The following ADAMTSL1 variants were observed in gnomAD, a reference collection of about 807,000 sequenced individuals.
ADAMTSL1 encodes the protein ADAMTS-like protein 1.
A neutral mutation model predicts 201.8 loss-of-function variants in ADAMTSL1; 126 were observed. That is an observed-to-expected ratio of 0.62 (90% CI 0.54 to 0.72). ADAMTSL1 has a LOEUF of 0.72. Among genes scored for constraint, ADAMTSL1 ranks in the 30% least tolerant of loss-of-function variants. The pLI, the probability that ADAMTSL1 is intolerant of heterozygous loss-of-function variation, is 0.00. For synonymous variants in ADAMTSL1, 1,121 were observed against 903.4 expected (o/e 1.24, Z -4.32); for missense variants, 2,679 against 2,277.8 (o/e 1.18, Z -3.59).
intron 2 of ADAMTSL1, among the ~76,000 whole-genome samples, chr9:18,178,504 T>C (rs1167386428): frequency 8.6e-5 from 13 of 151,228 alleles, no homozygotes; most frequent in South Asian, 4.2e-4. Context: ...GCCGGGAAGC[T>C]CGAACTGGGT....
At chr9:17,985,186 G>A (rs1818875076) in intron 1 of ADAMTSL1, among the ~76,000 whole-genome samples, 2 of 151,952 alleles carry the variant, frequency 1.3e-5, no homozygotes, top group Admixed American at 6.6e-5. Context: ...CTTTTTGGAT[G>A]GTTAATAAAA....
intron 2 of ADAMTSL1, among the ~76,000 whole-genome samples, chr9:18,225,597 T>C (rs1830409990): frequency 6.6e-6 from 1 of 152,148 alleles, no homozygotes; most frequent in Non-Finnish European, 1.5e-5. Context: ...CTCTAAAATA[T>C]TAAAAAACAC....
At chr9:18,339,952 C>G in intron 2 of ADAMTSL1, among the ~76,000 whole-genome samples, 1 of 152,124 alleles carries the variant, frequency 6.6e-6, no homozygotes, top group East Asian at 1.9e-4. Context: ...TGATCCTTTG[C>G]AAACTGGATT....
At chr9:18,853,084 GGA>G (rs2131377772) in intron 23 of ADAMTSL1, among the ~76,000 whole-genome samples, 1 of 152,268 alleles carries the variant, frequency 6.6e-6, no homozygotes, top group Non-Finnish European at 1.5e-5. Flanking sequence ...TGGCTGTCCT[GGA>G]GAGTGCTGTT....
intron 2 of ADAMTSL1, among the ~76,000 whole-genome samples, chr9:18,308,881 A>G (rs1326892812): frequency 1.3e-5 from 2 of 152,192 alleles, no homozygotes; most frequent in Non-Finnish European, 2.9e-5. Context: ...AGACATAGCA[A>G]AAAAAGAAAA....
At chr9:18,497,280 A>T (rs1018052231) in intron 1 of ADAMTSL1, among the ~76,000 whole-genome samples, 1 of 152,136 alleles carries the variant, frequency 6.6e-6, no homozygotes. Context: ...AAATAAATGA[A>T]TTTTTTTAAA....
chr9:18,519,105 C>G (rs1408482057), intron 2 of ADAMTSL1, among the ~76,000 whole-genome samples: 1 of 152,158 alleles, frequency 6.6e-6, no homozygotes. Context: ...ACCTGTACCC[C>G]CTGAGTCTCA....
intron 15 of ADAMTSL1, among the ~76,000 whole-genome samples, chr9:18,739,249 A>T (rs1187832258): frequency 1.3e-5 from 2 of 152,172 alleles, no homozygotes; most frequent in African/African-American, 2.4e-5. Context: ...GGCATTCAAA[A>T]AGGGTAACTT....
intron 14 of ADAMTSL1, among the ~76,000 whole-genome samples, chr9:18,715,459 C>A (rs1489590703): frequency 1.3e-5 from 2 of 152,062 alleles, no homozygotes; most frequent in African/African-American, 4.8e-5. Flanking sequence ...AACAGAGAGC[C>A]AAATCATGCG....
Position 18,908,519 on chromosome 9 carries a change from C to T in ADAMTSL1, c.5260C>T (p.Arg1754Cys), listed in dbSNP as rs868134421. The change falls in exon 29 of 29, where the codon CGC (arginine) becomes TGC (cysteine). Residue 1754 changes from arginine (R) to cysteine (C), a missense_variant. By Grantham distance (180) the Arg-to-Cys change is radical. Coordinates refer to ENST00000380548, the MANE Select transcript of ADAMTSL1 (RefSeq NM_001040272.6). Reference sequence around the variant, plus strand: ...CTGCCAACTCAGCCAGTTTAAATCTCGCTGCTGTGGAACTTGTGGCAAAGC... The same window carrying T: ...CTGCCAACTCAGCCAGTTTAAATCTTGCTGCTGTGGAACTTGTGGCAAAGC... The part of the protein sequence containing the change: ...KLCQLSQFKS[R>C]CCGTCGKA 1 of 1,562,970 alleles carries T rather than the reference C, an allele frequency of 6.4e-7. No individual in the cohort carries two copies. The highest frequency in any genetic ancestry group is 1.2e-5 in the South Asian group (1 of 84,530).
chr9:18,706,767 C>G lies in ADAMTSL1; in HGVS notation c.1595C>G (p.Ser532Trp). 6.2e-7 allele frequency: 1 copy of G among 1,604,762 alleles called. No homozygotes were observed. The highest frequency in any genetic ancestry group is 8.5e-7 in the Non-Finnish European group (1 of 1,175,460). The change falls in exon 14 of 29, where the codon TCG (serine) becomes TGG (tryptophan). Residue 532 changes from serine to tryptophan, a missense_variant. Coordinates refer to ENST00000380548, the MANE Select transcript of ADAMTSL1 (RefSeq NM_001040272.6). ...TGCAGGTTCATCCCAGAGGCCTGGT[C>G]GGCCTGCACAGTCACCTGTGGTGTG... is the stretch of plus-strand genomic sequence containing the variant. ...EEPSFIPEAW[S>W]ACTVTCGVGT...
At chr9:18,373,197 T>A (rs1012944278) in intron 2 of ADAMTSL1, among the ~76,000 whole-genome samples, 2 of 152,222 alleles carry the variant, frequency 1.3e-5, no homozygotes, top group African/African-American at 4.8e-5. Context: ...TTAATCCTTA[T>A]GTCACAAAAT....
chr9:18,790,305 G>A (rs62549061), intron 19 of ADAMTSL1, among the ~76,000 whole-genome samples: 16,696 of 152,080 alleles, frequency 0.11, 1,265 homozygotes, highest in East Asian at 0.32. Context: ...ACTGGAGTCC[G>A]AGTCTCTTGG....
chr9:18,314,623 T>G (rs371446779), intron 2 of ADAMTSL1, among the ~76,000 whole-genome samples: 2 of 151,720 alleles, frequency 1.3e-5, no homozygotes, highest in East Asian at 3.9e-4. Flanking sequence ...GCCTCATGAG[T>G]GAAGCTGCAG....
intron 2 of ADAMTSL1, among the ~76,000 whole-genome samples, chr9:18,185,908 G>T (rs1010209223): frequency 6.6e-6 from 1 of 152,116 alleles, no homozygotes; most frequent in Non-Finnish European, 1.5e-5. Context: ...TTTGACCATG[G>T]AACATGGAAT....
At chr9:18,408,824 G>A (rs984804343) in intron 2 of ADAMTSL1, among the ~76,000 whole-genome samples, 1 of 152,150 alleles carries the variant, frequency 6.6e-6, no homozygotes, top group Non-Finnish European at 1.5e-5. Context: ...AGAAAACAAG[G>A]AGTTGGAAGA....
At chr9:18,552,694 T>C (rs1291047335) in intron 3 of ADAMTSL1, among the ~76,000 whole-genome samples, 4 of 151,748 alleles carry the variant, frequency 2.6e-5, no homozygotes, top group African/African-American at 9.7e-5. Flanking sequence ...TGGGTTATTT[T>C]GGACTGTCTT....
rs1272866902 is a variant in ADAMTSL1 at position 18,883,459 on chromosome 9, A to G, written c.4250-4372A>G. ...TGGTAAGAGATACATAAAATTTACA[A>G]TTTCAACTCTTTTTAAGTGCACAGT... On this transcript the variant is annotated intron_variant, in intron 23 of 28. Coordinates refer to ENST00000380548, the MANE Select transcript of ADAMTSL1 (RefSeq NM_001040272.6). Among the ~76,000 whole-genome samples the G allele has an allele frequency of 3.3e-5, 5 of 152,142 alleles. No individual in the cohort carries two copies. In the East Asian group the frequency reaches 9.6e-4, roughly 29 times the overall value.
chr9:18,683,456 C>T (rs1299526309), intron 12 of ADAMTSL1, among the ~76,000 whole-genome samples: 1 of 151,774 alleles, frequency 6.6e-6, no homozygotes, highest in African/African-American at 2.4e-5. Flanking sequence ...TGGTCTCGAA[C>T]TCCTGAGCTC....
Sources: allele counts gnomAD v4.1 joint callset (sites outside exome capture counted in the v4.1 genomes callset), GRCh38; gene constraint gnomAD v4.1.1; transcripts MANE v1.5; gene names NCBI Gene and HGNC (gene_info 2026-07-23, HGNC 2026-07-21).